Variants in NHSL2 observed in about 807,000 individuals in gnomAD.
NHSL2 encodes the protein NHS like 2.
Under a neutral mutation model 53.4 loss-of-function variants are expected in NHSL2, and 27 were observed. That is an observed-to-expected ratio of 0.51 (90% CI 0.37 to 0.70). The LOEUF (loss-of-function observed/expected upper bound fraction) is 0.70, where lower values mean the gene tolerates loss of function less well. Among genes scored for constraint, NHSL2 ranks in the 30% least tolerant of loss-of-function variants. The pLI, the probability that NHSL2 is intolerant of heterozygous loss-of-function variation, is 0.00. For synonymous variants in NHSL2, 408 were observed against 404.1 expected, an observed-to-expected ratio of 1.01 and a Z score of -0.12; for missense variants, 892 against 980.1, an observed-to-expected ratio of 0.91 and a Z score of 1.20.
intron 1 of NHSL2, among the ~76,000 whole-genome samples, chrX:72,091,259 C>T (rs868554032): frequency 2.7e-5 from 3 of 111,721 alleles, no homozygotes; most frequent in African/African-American, 9.8e-5. Flanking sequence ...CTAGACCATC[C>T]TGGCTAACAT....
In NHSL2 at chrX:72,105,937, C is replaced by T. The variant is rs182522371; in HGVS notation, c.281-26142C>T. Among the ~76,000 whole-genome samples, 376 of 111,961 alleles carry T rather than the reference C, an allele frequency of 3.4e-3. 1 individual carries two copies. The highest frequency in any genetic ancestry group is 0.014 in the East Asian group (49 of 3,560). On this transcript the variant is annotated intron_variant, in intron 1 of 7. Transcript: ENST00000633930. ...AAACTTGAATCCATGAGGCCGGGCG[C>T]GGTGGCTCACGCCTGTAATCCCAGC...
chrX:72,057,885 G>A (rs1005389773), intron 1 of NHSL2, among the ~76,000 whole-genome samples: 2 of 112,442 alleles, frequency 1.8e-5, no homozygotes, highest in Admixed American at 9.4e-5. Context: ...AGAAAAAGGG[G>A]GGAAAAGCCA....
chrX:71,960,236 A>G (rs999591810), intron 1 of NHSL2, among the ~76,000 whole-genome samples: 1 of 112,114 alleles, frequency 8.9e-6, no homozygotes, highest in Non-Finnish European at 1.9e-5. Context: ...TTGAGTTATA[A>G]TTATTCTTGA....
chrX:71,927,999 A>G (rs1208255855), intron 1 of NHSL2, among the ~76,000 whole-genome samples: 1 of 112,844 alleles, frequency 8.9e-6, no homozygotes, highest in Non-Finnish European at 1.9e-5. Flanking sequence ...CCTGGCAGGC[A>G]TTAAATATTT....
chrX:71,990,221 G>A (rs1002342806), intron 1 of NHSL2, among the ~76,000 whole-genome samples: 2 of 111,755 alleles, frequency 1.8e-5, no homozygotes, highest in African/African-American at 6.5e-5. Context: ...TTTCCCCAGG[G>A]GTCACTTCTG....
chrX:71,943,429 T>A (rs773502249), intron 1 of NHSL2, among the ~76,000 whole-genome samples: 1 of 112,768 alleles, frequency 8.9e-6, no homozygotes, highest in Non-Finnish European at 1.9e-5. Context: ...AATGAGCAAT[T>A]TTCAGTCCTT....
rs1051108598 is a variant in NHSL2 at position 72,116,223 on chromosome X, C to CTA, written c.281-15845_281-15844dup. Among the ~76,000 whole-genome samples, 44 of 111,263 alleles carry CTA rather than the reference C, an allele frequency of 4.0e-4. No individual in the cohort carries two copies. In the Middle Eastern group the frequency reaches 0.014, roughly 35 times the overall value. ...CCTAGAGCAATGCCTGTAGTAAGGG[C>CTA]TATATATATATAAATGTTAACAACT... is the stretch of plus-strand genomic sequence containing the variant. On this transcript the variant is annotated intron_variant, in intron 1 of 7. Coordinates refer to ENST00000633930, the MANE Select transcript of NHSL2 (RefSeq NM_001013627.3).
At chrX:72,016,900 G>C (rs1195289826) in intron 1 of NHSL2, among the ~76,000 whole-genome samples, 1 of 112,206 alleles carries the variant, frequency 8.9e-6, no homozygotes, top group Non-Finnish European at 1.9e-5. Context: ...TCACAGAAGG[G>C]AGTGAAGAGT....
In NHSL2 at chrX:72,139,461, G is replaced by C. The variant is rs1247328401; in HGVS notation, c.1913G>C (p.Trp638Ser). Residue 638 changes from tryptophan (W) to serine (S), a missense_variant, in exon 6 of 8, where the codon TGG becomes TCG. Transcript: ENST00000633930. ...DPESTQFSHH[W>S]YLTDWKSGDT... ...GAAAGTACACAATTCTCCCACCACT[G>C]GTATCTTACTGACTGGAAGTCTGGT... 2 of 1,208,337 alleles carry C rather than the reference G, an allele frequency of 1.7e-6. No homozygotes were observed. Among genetic ancestry groups the C allele is most frequent in the African/African-American group, 3.5e-5 (2 of 56,942 alleles).
At chrX:71,940,771 T>C (rs1396839963) in intron 1 of NHSL2, among the ~76,000 whole-genome samples, 3 of 110,233 alleles carry the variant, frequency 2.7e-5, no homozygotes, top group Non-Finnish European at 5.7e-5. Flanking sequence ...ATAGAAGTGC[T>C]CAGAGAGCCA....
At chrX:72,064,968 G>GAA (rs2042419401) in intron 1 of NHSL2, among the ~76,000 whole-genome samples, 1 of 112,135 alleles carries the variant, frequency 8.9e-6, no homozygotes, top group South Asian at 3.7e-4. Context: ...AGTGCTCAGT[G>GAA]AAAAGGCTAG....
chrX:72,151,110 G>A lies in NHSL2; in HGVS notation c.*7536G>A, dbSNP rs1336464709. On this transcript the variant is annotated 3_prime_UTR_variant, in exon 8 of 8. Coordinates refer to ENST00000633930, the MANE Select transcript of NHSL2 (RefSeq NM_001013627.3). ...GCTCATTACAACCTCCACCTCCCGG[G>A]TTCAGGCAATTCTCCTGCCTCAGCT... is the stretch of plus-strand genomic sequence containing the variant. The A allele has an allele frequency of 1.8e-5, 2 of 110,977 alleles. No homozygotes were observed. Among genetic ancestry groups the A allele is most frequent in the East Asian group, 2.8e-4 (1 of 3,540 alleles). 9.1% of individuals were successfully genotyped at this position (110,977 alleles called of 1,213,427 possible).
At chrX:72,129,757 A>G in intron 1 of NHSL2, 1 of 986,441 alleles carries the variant, frequency 1.0e-6, no homozygotes. Flanking sequence ...CAAATGGGGC[A>G]GGTATGGCAG....
At position 71,951,109 on chromosome X, in the gene NHSL2, A is replaced by G. The variant is rs756636653; in HGVS notation, c.280+39742A>G. Among the ~76,000 whole-genome samples the G allele has an allele frequency of 9.1e-5, 10 of 109,491 alleles. No homozygotes were observed. The East Asian group carries it at 2.9e-3, about 32-fold the overall frequency. ...TTCAGTTTTCATTTGTGTGTTTGCC[A>G]TCTCACAGTTACAGGTATGGTGTCA... On this transcript the variant is annotated intron_variant, in intron 1 of 7. Transcript: ENST00000633930.
intron 1 of NHSL2, among the ~76,000 whole-genome samples, chrX:72,026,862 CTG>C (rs769550725): frequency 1.0e-3 from 115 of 112,343 alleles, no homozygotes; most frequent in African/African-American, 3.6e-3. Context: ...CCTCTGGTCT[CTG>C]TAAATATCTG....
chrX:71,992,969 T>G (rs2042034187), intron 1 of NHSL2, among the ~76,000 whole-genome samples: 1 of 112,071 alleles, frequency 8.9e-6, no homozygotes, highest in African/African-American at 3.3e-5. Context: ...ATTTGTTCCG[T>G]GTAGCTTGAA....
chrX:71,937,025 T>G (rs1192662896), intron 1 of NHSL2, among the ~76,000 whole-genome samples: 1 of 111,764 alleles, frequency 8.9e-6, no homozygotes, highest in East Asian at 2.8e-4. Flanking sequence ...TGAAAATAAC[T>G]TTTATAAGAT....
chrX:71,950,784 T>C (rs953591941), intron 1 of NHSL2, among the ~76,000 whole-genome samples: 1 of 111,485 alleles, frequency 9.0e-6, no homozygotes, highest in Non-Finnish European at 1.9e-5. Context: ...CAACTAGCCA[T>C]TTCTGTGGGT....
In NHSL2 at chrX:72,140,172, C is replaced by T; in HGVS notation, c.2624C>T (p.Pro875Leu). The T allele has an allele frequency of 8.3e-7, 1 of 1,211,141 alleles. No homozygotes were observed. Among genetic ancestry groups the T allele is most frequent in the Non-Finnish European group, 1.1e-6 (1 of 895,116 alleles). Residue 875 changes from proline to leucine, a missense_variant, in exon 6 of 8, where the codon CCT (proline) becomes CTT (leucine). Pro to Leu is a moderately conservative substitution (Grantham distance 98). Transcript: ENST00000633930. Reference sequence around the variant, plus strand: ...ACAAAACCTCCCGTAGCTGAGAAGCCTCCGGTGGCCCGGAGGCCTCCAAGC... The same window carrying T: ...ACAAAACCTCCCGTAGCTGAGAAGCTTCCGGTGGCCCGGAGGCCTCCAAGC... ...RKTKPPVAEK[P>L]PVARRPPSLV...
Sources: gnomAD v4.1 joint callset for allele counts (sites outside exome capture counted in the v4.1 genomes callset) on GRCh38, gnomAD v4.1.1 for gene constraint, MANE v1.5 for transcripts, NCBI Gene and HGNC (gene_info 2026-07-23, HGNC 2026-07-21) for gene names.